The following NCAPD3 variants were observed in gnomAD, a reference collection of about 807,000 sequenced individuals.
The protein encoded by NCAPD3 is non-SMC condensin II complex subunit D3.
A neutral mutation model predicts 182.9 loss-of-function variants in NCAPD3; 105 were observed. The observed-to-expected ratio is 0.57, with a 90% CI of 0.49 to 0.68. The LOEUF (loss-of-function observed/expected upper bound fraction) is 0.68, where lower values mean the gene tolerates loss of function less well. Ranked by LOEUF, NCAPD3 falls within the 30% of genes least tolerant of loss-of-function variation. The pLI, the probability that NCAPD3 is intolerant of heterozygous loss-of-function variation, is 0.00. For synonymous variants in NCAPD3, 815 were observed against 679.9 expected (o/e 1.20, Z -3.09); for missense variants, 1,944 against 1,837.0 (o/e 1.06, Z -1.07).
At chr11:134,215,935 T>C (rs776343087) in intron 3 of NCAPD3, among the ~76,000 whole-genome samples, 13 of 152,170 alleles carry the variant, frequency 8.5e-5, no homozygotes, top group Admixed American at 2.0e-4. Flanking sequence ...AGAAGGTAAC[T>C]GGCAGGAATA....
chr11:134,200,302 C>A (rs1944723190), intron 13 of NCAPD3, among the ~76,000 whole-genome samples: 2 of 152,076 alleles, frequency 1.3e-5, no homozygotes, highest in African/African-American at 4.8e-5. Context: ...TTTGAAAAGA[C>A]AACCCACAGA....
At position 134,163,827 on chromosome 11, in the gene NCAPD3, G is replaced by A. The variant is rs184492341; in HGVS notation, c.3574-1936C>T. On this transcript the variant is annotated intron_variant, in intron 27 of 34. Coordinates refer to ENST00000534548, the MANE Select transcript of NCAPD3 (RefSeq NM_015261.3). ...GCGGAGCTTGCAGTGAGCTGAGATC[G>A]CGCCACTGCACTCCAGCCTGGGCGA... Among the ~76,000 whole-genome samples the A allele has an allele frequency of 7.7e-3, 1,095 of 143,024 alleles. 11 individuals are homozygous for A. Among genetic ancestry groups the A allele is most frequent in the African/African-American group, 0.027 (1,020 of 37,496 alleles). 93.8% of individuals were successfully genotyped at this position (143,024 alleles called of 152,430 possible). A position where few individuals can be genotyped will look rare whatever the true frequency, so the allele number is the denominator to read the frequency against.
chr11:134,179,326 C>G (rs181378901), intron 20 of NCAPD3, among the ~76,000 whole-genome samples: 7 of 152,098 alleles, frequency 4.6e-5, no homozygotes, highest in Non-Finnish European at 1.0e-4. Flanking sequence ...TCTATAGTCA[C>G]GTGGCTTTAT....
rs191507857 is a variant in NCAPD3, at chr11:134,157,909, C to T, written c.4174+19G>A. The T allele has an allele frequency of 3.7e-6, 6 of 1,606,712 alleles. No homozygotes were observed. In the East Asian group the frequency reaches 1.3e-4, roughly 36 times the overall value. On this transcript the variant is annotated intron_variant, in intron 31 of 34. Transcript: ENST00000534548. ...TCTGTAAATGCTCTACTGTGTCTGG[C>T]ACCAAACATAAGGCTTACCCTGACT...
At position 134,161,845 on chromosome 11, in the gene NCAPD3, G is replaced by A; in HGVS notation, c.3620C>T (p.Ser1207Phe). The stretch of plus-strand genomic sequence containing the variant: ...ATTTTTCTCCAGCACAGTCTTCAGG[G>A]AGATGATAATTGGAATAATATTTTC... Reference protein sequence around the residue: ...FIENIIPIIISLKTVLEKNKI... With the variant: ...FIENIIPIIIFLKTVLEKNKI... The change falls in exon 28 of 35, where the codon TCC (serine) becomes TTC (phenylalanine). Residue 1207 changes from serine to phenylalanine, a missense_variant. Ser to Phe is a radical substitution (Grantham distance 155). Transcript: ENST00000534548. 6.3e-7 allele frequency: 1 copy of A among 1,589,146 alleles called. No individual in the cohort carries two copies. Among genetic ancestry groups the A allele is most frequent in the Non-Finnish European group, 8.6e-7 (1 of 1,162,776 alleles).
chr11:134,157,152 AAAC>A (rs1337840094), intron 31 of NCAPD3, 57 bp from the exon 32 acceptor site: 65 of 1,373,724 alleles, frequency 4.7e-5, no homozygotes, highest in Admixed American at 9.5e-5. Flanking sequence ...ACGAAGAGCA[AAAC>A]AACCACATGA....
At chr11:134,188,022 C>G (rs1944446645) in intron 16 of NCAPD3, among the ~76,000 whole-genome samples, 1 of 152,136 alleles carries the variant, frequency 6.6e-6, no homozygotes, top group Admixed American at 6.5e-5. Context: ...GGCCCTAACC[C>G]AAGCTCAAGG....
chr11:134,152,990 C>A lies in NCAPD3; in HGVS notation c.4451G>T (p.Cys1484Phe). ...GGTCTTTCGGAGGGACCTCCTGCTGCAGGCTGGAGTGTCTTTATTCCTGGC... is the reference window on the plus strand; with the variant it reads ...GGTCTTTCGGAGGGACCTCCTGCTGAAGGCTGGAGTGTCTTTATTCCTGGC... ...SPARNKDTPA[C>F]SRRSLRKTPL... is the part of the protein sequence containing the mutation. The change falls in exon 35 of 35, where the codon TGC becomes TTC. Residue 1484 changes from cysteine (C) to phenylalanine (F), a missense_variant. Transcript: ENST00000534548. 1 of 1,580,720 alleles carries A rather than the reference C, an allele frequency of 6.3e-7. No individual in the cohort carries two copies.
chr11:134,178,830 G>C lies in NCAPD3; in HGVS notation c.2666C>G (p.Ala889Gly). 1.9e-6 allele frequency: 3 copies of C among 1,614,076 alleles called. No individual in the cohort carries two copies. Among genetic ancestry groups the C allele is most frequent in the Non-Finnish European group, 1.7e-6 (2 of 1,179,924 alleles). The stretch of plus-strand genomic sequence containing the variant: ...GATTTCAAATGCCTTACAGTGGTCA[G>C]CATCAGCAGACGAAGCCAGGACGGA... ...IQSVLASSAD[A>G]DHSPSSQGSS... The change falls in exon 21 of 35, where the codon GCT (alanine) becomes GGT (glycine). Residue 889 changes from alanine (A) to glycine (G), a missense_variant. Around this residue, in one of 3 missense-constraint regions of NCAPD3, gnomAD observed 1,803 missense variants for 1,674.6 expected, o/e 1.08. Coordinates refer to ENST00000534548, the MANE Select transcript of NCAPD3 (RefSeq NM_015261.3).
At position 134,183,941 on chromosome 11, in the gene NCAPD3, C is replaced by A. The variant is rs148613841; in HGVS notation, c.2451+696G>T. ...ATTATTTAATTTTTGTTTTCTATAG[C>A]CATTATTAATAACCCCAGCTCTACA... On this transcript the variant is annotated intron_variant, in intron 19 of 34. Transcript: ENST00000534548. 4.6e-5 allele frequency among the ~76,000 whole-genome samples: 7 copies of A among 152,198 alleles called. No individual in the cohort carries two copies. The East Asian group carries it at 1.4e-3, about 29-fold the overall frequency.
rs949386029 is a variant in NCAPD3 at position 134,159,823 on chromosome 11, C to T, written c.3867+69G>A. The T allele has an allele frequency of 2.0e-6, 3 of 1,485,884 alleles. No homozygotes were observed. The African/African-American group carries it at 4.2e-5, about 21-fold the overall frequency. The allele number at this position is 1,485,884 out of a possible 1,614,324, so 92.0% of individuals were successfully genotyped here. A position where few individuals can be genotyped will look rare whatever the true frequency, so the allele number is the denominator to read the frequency against. On this transcript the variant is annotated intron_variant, in intron 29 of 34. Transcript: ENST00000534548. ...GACGGAGATCTTGAGAGGTGCCAGA[C>T]AAACGACAGACTGGTAGCAGACAGC... is the stretch of plus-strand genomic sequence containing the variant.
chr11:134,189,929 G>A (rs541141733), intron 16 of NCAPD3, among the ~76,000 whole-genome samples: 7 of 151,826 alleles, frequency 4.6e-5, no homozygotes, highest in Non-Finnish European at 1.0e-4. Flanking sequence ...TTTATTTTAG[G>A]TGTGGCTCTT....
intron 29 of NCAPD3, 79 bp downstream of exon 29, chr11:134,159,813 A>T: frequency 2.8e-6 from 4 of 1,428,778 alleles, no homozygotes; most frequent in Non-Finnish European, 3.8e-6. Context: ...AGATCTTGAG[A>T]GGTGCCAGAC....
rs1166859088 is a variant in NCAPD3 at position 134,152,408 on chromosome 11, T to C, written c.*536A>G. On this transcript the variant is annotated 3_prime_UTR_variant, in exon 35 of 35. Coordinates refer to ENST00000534548, the MANE Select transcript of NCAPD3 (RefSeq NM_015261.3). Reference sequence around the variant, plus strand: ...AAATGATTACCAATAAGAGCTCTGTTCTAAAAACAGAAAAATCCTATTGAC... The same window carrying C: ...AAATGATTACCAATAAGAGCTCTGTCCTAAAAACAGAAAAATCCTATTGAC... 6.6e-6 allele frequency: 1 copy of C among 152,272 alleles called. No individual in the cohort carries two copies. Among genetic ancestry groups the C allele is most frequent in the Admixed American group, 6.5e-5 (1 of 15,286 alleles). 9.4% of individuals were successfully genotyped at this position (152,272 alleles called of 1,614,324 possible). A position where few individuals can be genotyped will look rare whatever the true frequency, so the allele number is the denominator to read the frequency against.
In NCAPD3 at chr11:134,156,951, C is replaced by T. The variant is rs1291668891; in HGVS notation, c.4252+67G>A. ...CACCGGAAGGAGTTTTACTGCGACT[C>T]TAGCAAACACATCACGAATGCAGGA... On this transcript the variant is annotated intron_variant, in intron 32 of 34. Transcript: ENST00000534548. 5 of 1,398,260 alleles carry T rather than the reference C, an allele frequency of 3.6e-6. No homozygotes were observed. The African/African-American group carries it at 4.3e-5, about 12-fold the overall frequency. 86.6% of individuals were successfully genotyped at this position (1,398,260 alleles called of 1,614,324 possible).
chr11:134,185,282 T>G, intron 17 of NCAPD3, 53 bp downstream of exon 17: 1 of 1,467,592 alleles, frequency 6.8e-7, no homozygotes, highest in Non-Finnish European at 9.1e-7. Context: ...AGTCTTGGGC[T>G]TTGTTTCTAA....
At chr11:134,209,744 T>C (rs1011909901) in intron 4 of NCAPD3, 3 of 378,516 alleles carry the variant, frequency 7.9e-6, no homozygotes, top group Non-Finnish European at 9.5e-6. Context: ...TGAAATTCTG[T>C]CATTCTACCG....
intron 15 of NCAPD3, among the ~76,000 whole-genome samples, 161 bp downstream of exon 15, chr11:134,193,855 C>T (rs1944572076): frequency 6.6e-6 from 1 of 152,210 alleles, no homozygotes; most frequent in Non-Finnish European, 1.5e-5. Flanking sequence ...GTCTATCACA[C>T]ATAATTCAAA....
intron 3 of NCAPD3, among the ~76,000 whole-genome samples, chr11:134,214,079 A>T (rs1041482751): frequency 3.3e-5 from 5 of 152,040 alleles, no homozygotes; most frequent in Non-Finnish European, 7.4e-5. Context: ...GACCTAACTG[A>T]CATTTACAGA....
Sources: gnomAD v4.1 joint callset for allele counts (sites outside exome capture counted in the v4.1 genomes callset) on GRCh38, gnomAD v4.1.1 for gene constraint, gnomAD v4.1.1 regional missense constraint, MANE v1.5 for transcripts, NCBI Gene and HGNC (gene_info 2026-07-23, HGNC 2026-07-21) for gene names.